Variants in DCC observed in about 807,000 individuals in gnomAD.
DCC encodes DCC netrin 1 receptor, also known as netrin receptor DCC.
A neutral mutation model predicts 172.5 loss-of-function variants in DCC; 58 were observed. The ratio of observed to expected loss-of-function variants is 0.34; its 90% confidence interval spans 0.27 to 0.42. The LOEUF (loss-of-function observed/expected upper bound fraction) is 0.42, where lower values mean the gene tolerates loss of function less well. DCC is among the 10% of genes least tolerant of loss of function. The pLI, the probability that DCC is intolerant of heterozygous loss-of-function variation, is 1.00. For missense variants in DCC, 1,740 were observed against 1,791.0 expected (o/e 0.97, Z 0.51); for synonymous variants, 709 against 644.5 (o/e 1.10, Z -1.52).
In DCC at chr18:53,483,958, C is replaced by CATAGATAG. The variant is rs56285631; in HGVS notation, c.3737-2791_3737-2784dup. ...ACTGTGAAACCTTTGCCTATGTTTG[C>CATAGATAG]ATAGATAGATAGATAGATAGATAGA... On this transcript the variant is annotated intron_variant, in intron 25 of 28. Coordinates refer to ENST00000442544, the MANE Select transcript of DCC (RefSeq NM_005215.4). 4.6e-3 allele frequency among the ~76,000 whole-genome samples: 663 copies of CATAGATAG among 144,666 alleles called. 2 individuals are homozygous for CATAGATAG. The highest frequency in any genetic ancestry group is 5.7e-3 in the East Asian group (27 of 4,750). 94.9% of individuals were successfully genotyped at this position (144,666 alleles called of 152,430 possible).
chr18:52,863,619 G>A (rs1353399854), intron 2 of DCC, among the ~76,000 whole-genome samples: 1 of 151,598 alleles, frequency 6.6e-6, no homozygotes, highest in Non-Finnish European at 1.5e-5. Flanking sequence ...TAAACTCTAA[G>A]TGCATAGTTA....
At chr18:52,354,354 G>A (rs1984265321) in intron 1 of DCC, among the ~76,000 whole-genome samples, 1 of 152,188 alleles carries the variant, frequency 6.6e-6, no homozygotes. Flanking sequence ...AACAATTAGA[G>A]AATGATAGCA....
intron 7 of DCC, among the ~76,000 whole-genome samples, chr18:53,099,063 G>A (rs1434300463): frequency 6.6e-6 from 1 of 152,068 alleles, no homozygotes; most frequent in Non-Finnish European, 1.5e-5. Context: ...GTATTTTGAT[G>A]CAGAATAACG....
At chr18:53,195,223 C>T (rs532307294) in intron 9 of DCC, among the ~76,000 whole-genome samples, 1 of 152,218 alleles carries the variant, frequency 6.6e-6, no homozygotes, top group African/African-American at 2.4e-5. Flanking sequence ...CACTAGTTAT[C>T]TTAGAGATAG....
At chr18:52,410,749 A>C (rs769562899) in intron 1 of DCC, among the ~76,000 whole-genome samples, 1 of 152,162 alleles carries the variant, frequency 6.6e-6, no homozygotes. Context: ...GGTTTGGGCA[A>C]TCATAATACC....
intron 26 of DCC, among the ~76,000 whole-genome samples, chr18:53,497,212 G>A (rs529008798): frequency 6.6e-6 from 1 of 152,128 alleles, no homozygotes. Flanking sequence ...AATTCACAGA[G>A]GAACACAGAA....
chr18:53,147,306 T>C (rs1568331387), intron 7 of DCC, among the ~76,000 whole-genome samples: 1 of 152,170 alleles, frequency 6.6e-6, no homozygotes, highest in African/African-American at 2.4e-5. Flanking sequence ...TCGGGGCCTT[T>C]TTCTTTCTCT....
intron 1 of DCC, among the ~76,000 whole-genome samples, chr18:52,742,639 A>G (rs947149836): frequency 2.0e-5 from 3 of 152,204 alleles, no homozygotes; most frequent in Non-Finnish European, 2.9e-5. Flanking sequence ...CATTTTGTCA[A>G]TGCAATATTT....
At chr18:53,166,017 C>G (rs2054914693) in intron 8 of DCC, among the ~76,000 whole-genome samples, 1 of 152,098 alleles carries the variant, frequency 6.6e-6, no homozygotes, top group South Asian at 2.1e-4. Context: ...AGTCATTCAG[C>G]AGGCTATTGC....
chr18:53,363,540 ACT>A (rs1448790397), intron 15 of DCC, among the ~76,000 whole-genome samples: 2 of 151,844 alleles, frequency 1.3e-5, no homozygotes, highest in Non-Finnish European at 2.9e-5. Context: ...TTCTTTTATA[ACT>A]CTCCATTCTC....
chr18:52,479,289 C>T (rs1012177107), intron 1 of DCC, among the ~76,000 whole-genome samples: 2 of 152,060 alleles, frequency 1.3e-5, no homozygotes, highest in African/African-American at 4.8e-5. Context: ...TCTAAAGTGA[C>T]CTTTTGTGTT....
intron 13 of DCC, among the ~76,000 whole-genome samples, chr18:53,313,440 T>C (rs193105741): frequency 5.1e-4 from 78 of 152,164 alleles, no homozygotes; most frequent in African/African-American, 1.8e-3. Context: ...GAAACGGAGT[T>C]TCACCATGTT....
chr18:52,952,378 G>A (rs2040663054), intron 5 of DCC, among the ~76,000 whole-genome samples: 1 of 151,984 alleles, frequency 6.6e-6, no homozygotes, highest in Admixed American at 6.6e-5. Context: ...GTGTTTCTCA[G>A]ATATTTAACA....
Position 52,684,942 on chromosome 18 carries a change from T to A in DCC, c.92-67112T>A, listed in dbSNP as rs1254351863. On this transcript the variant is annotated intron_variant, in intron 1 of 28. Coordinates refer to ENST00000442544, the MANE Select transcript of DCC (RefSeq NM_005215.4). The stretch of plus-strand genomic sequence containing the variant: ...TCTTACCAGTGGTTATCATTCAGGA[T>A]GAATCTGTTTCTCAAAATCCTGATA... Among the ~76,000 whole-genome samples the A allele has an allele frequency of 2.0e-5, 3 of 152,290 alleles. No homozygotes were observed. The East Asian group carries it at 5.8e-4, about 29-fold the overall frequency.
chr18:53,087,284 G>A (rs2042928530), intron 7 of DCC, among the ~76,000 whole-genome samples: 1 of 151,330 alleles, frequency 6.6e-6, no homozygotes, highest in South Asian at 2.1e-4. Context: ...ACTTTTTAAT[G>A]ATTGCCATTC....
intron 1 of DCC, among the ~76,000 whole-genome samples, chr18:52,404,268 A>G (rs972544639): frequency 5.9e-5 from 9 of 152,066 alleles, no homozygotes; most frequent in Admixed American, 3.3e-4. Flanking sequence ...GAAAATGTAC[A>G]GACATCATTG....
chr18:53,488,704 A>G (rs527905737), intron 26 of DCC, among the ~76,000 whole-genome samples: 1 of 152,304 alleles, frequency 6.6e-6, no homozygotes, highest in Non-Finnish European at 1.5e-5. Flanking sequence ...CTAGTATAAA[A>G]TTTGTTTTTA....
intron 1 of DCC, chr18:52,409,294 C>G (rs1986762989): frequency 6.6e-6 from 1 of 152,110 alleles, no homozygotes; most frequent in Non-Finnish European, 1.5e-5. Context: ...GCAACTGATT[C>G]TGTTGTGATT....
At chr18:53,027,345 G>C (rs1157708124) in intron 5 of DCC, among the ~76,000 whole-genome samples, 2 of 152,162 alleles carry the variant, frequency 1.3e-5, no homozygotes, top group African/African-American at 4.8e-5. Context: ...ATCCTTATGA[G>C]AGATATTGTA....
Sources: gnomAD v4.1 joint callset for allele counts (sites outside exome capture counted in the v4.1 genomes callset) on GRCh38, gnomAD v4.1.1 for gene constraint, MANE v1.5 for transcripts, NCBI Gene and HGNC (gene_info 2026-07-23, HGNC 2026-07-21) for gene names.